TEX261: variants seen among roughly 807,000 people sequenced by gnomAD.
TEX261 encodes protein TEX261.
TEX261 carries 13 observed loss-of-function variants against 25.1 expected under a neutral mutation model. The observed-to-expected ratio is 0.52, with a 90% CI of 0.34 to 0.82. The LOEUF (loss-of-function observed/expected upper bound fraction) is 0.82. TEX261 is among the 40% of genes least tolerant of loss of function. The pLI is 0.02. For synonymous variants in TEX261, 92 were observed against 97.8 expected (o/e 0.94, Z 0.35); for missense variants, 206 against 243.2 (o/e 0.85, Z 1.02).
intron 3 of TEX261, among the ~76,000 whole-genome samples, chr2:70,990,870 A>G (rs560220518): frequency 6.6e-6 from 1 of 152,334 alleles, no homozygotes; most frequent in South Asian, 2.1e-4. Context: ...CCTGGTCTCC[A>G]TGGAAGGGCT....
rs1322423247 is a variant in TEX261, at chr2:70,987,306, C to T, written c.*1294G>A. The T allele has an allele frequency of 6.6e-6, 1 of 152,230 alleles. No individual in the cohort carries two copies. Among genetic ancestry groups the T allele is most frequent in the Non-Finnish European group, 1.5e-5 (1 of 68,046 alleles). The allele number at this position is 152,230 out of a possible 1,614,324, so 9.4% of individuals were successfully genotyped here. On this transcript the variant is annotated 3_prime_UTR_variant, in exon 6 of 6. Coordinates refer to ENST00000272438, the MANE Select transcript of TEX261 (RefSeq NM_144582.3). The stretch of plus-strand genomic sequence containing the variant: ...TGGTATTCTTAAGAGAAGGTAAATG[C>T]TAAAGCCAAGGAAATGAAGGGCTAT...
chr2:70,988,352 A>G lies in TEX261; in HGVS notation c.*248T>C, dbSNP rs782682415. 11 of 489,482 alleles carry G rather than the reference A, an allele frequency of 2.2e-5. No homozygotes were observed. Among genetic ancestry groups the G allele is most frequent in the Non-Finnish European group, 4.1e-5 (11 of 267,540 alleles). 30.3% of individuals were successfully genotyped at this position (489,482 alleles called of 1,614,324 possible). Reference sequence around the variant, plus strand: ...GGAAGGGACAGGGGAGGACTGAGGGACCTCGGCCTCCTGGCTAAGCAGGCT... The same window carrying G: ...GGAAGGGACAGGGGAGGACTGAGGGGCCTCGGCCTCCTGGCTAAGCAGGCT... On this transcript the variant is annotated 3_prime_UTR_variant, in exon 6 of 6. Transcript: ENST00000272438.
chr2:70,994,860 C>A lies in TEX261; in HGVS notation c.-103G>T. Reference sequence around the variant, plus strand: ...GCCGCCGCCGCCGCCGCGTCCCCGCCCCGCGGACGACAGGACGACGGTGCG... The same window carrying A: ...GCCGCCGCCGCCGCCGCGTCCCCGCACCGCGGACGACAGGACGACGGTGCG... On this transcript the variant is annotated 5_prime_UTR_variant, in exon 1 of 6. Coordinates refer to ENST00000272438, the MANE Select transcript of TEX261 (RefSeq NM_144582.3). The A allele has an allele frequency of 8.2e-7, 1 of 1,216,990 alleles. No homozygotes were observed. Among genetic ancestry groups the A allele is most frequent in the Non-Finnish European group, 1.0e-6 (1 of 973,282 alleles). 75.4% of individuals were successfully genotyped at this position (1,216,990 alleles called of 1,614,324 possible).
chr2:70,988,445 C>A lies in TEX261; in HGVS notation c.*155G>T. ...AGCATCAGATCTGAGCCAAGCTGAG[C>A]CCCCCAAGGAGGGTGGGGATGGGGC... On this transcript the variant is annotated 3_prime_UTR_variant, in exon 6 of 6. Transcript: ENST00000272438. 1.6e-6 allele frequency: 1 copy of A among 623,102 alleles called. No homozygotes were observed. The highest frequency in any genetic ancestry group is 2.8e-5 in the Admixed American group (1 of 35,436). The allele number at this position is 623,102 out of a possible 1,614,324, so 38.6% of individuals were successfully genotyped here.
At position 70,992,993 on chromosome 2, in the gene TEX261, G is replaced by A. The variant is rs149126375; in HGVS notation, c.150+703C>T. ...TACTGTGCCAACACCCACAAGCTGGGCCTCTGGACCAGAGCTGAGGGCTAT... is the reference window on the plus strand; with the variant it reads ...TACTGTGCCAACACCCACAAGCTGGACCTCTGGACCAGAGCTGAGGGCTAT... On this transcript the variant is annotated intron_variant, in intron 2 of 5. Transcript: ENST00000272438. Among the ~76,000 whole-genome samples the A allele has an allele frequency of 6.1e-3, 930 of 152,332 alleles. 8 individuals are homozygous for A. The highest frequency in any genetic ancestry group is 0.021 in the African/African-American group (876 of 41,570).
intron 5 of TEX261, 39 bp from the exon 6 acceptor site, chr2:70,988,754 G>A (rs782247060): frequency 8.0e-7 from 1 of 1,257,332 alleles, no homozygotes; most frequent in Non-Finnish European, 1.1e-6. Context: ...GAGAGAGAGA[G>A]TGTGTGTGTG....
chr2:70,994,420 G>T (rs138449503), intron 1 of TEX261: 1 of 539,512 alleles, frequency 1.9e-6, no homozygotes, highest in Non-Finnish European at 3.3e-6. Context: ...AGCGGTTAGC[G>T]GTCCGCAGAC....
In TEX261 at chr2:70,988,590, T is replaced by G; in HGVS notation, c.*10A>C. ...CTGATCTTGCCCCCCACATCCTGCC[T>G]GCATGGGGGTCAGTATATCTTCTGA... is the stretch of plus-strand genomic sequence containing the variant. On this transcript the variant is annotated 3_prime_UTR_variant, in exon 6 of 6. Transcript: ENST00000272438. 2.5e-6 allele frequency: 4 copies of G among 1,599,222 alleles called. No individual in the cohort carries two copies. The highest frequency in any genetic ancestry group is 3.4e-6 in the Non-Finnish European group (4 of 1,166,378).
rs1042019930 is a variant in TEX261 at position 70,986,032 on chromosome 2, C to A, written c.*2568G>T. ...CAAAAATTCCAACACAATCCTTGCC[C>A]TCAAGGAGCTTACAGTCTACTGGGG... On this transcript the variant is annotated 3_prime_UTR_variant, in exon 6 of 6. Transcript: ENST00000272438. 1.3e-5 allele frequency: 2 copies of A among 152,356 alleles called. No homozygotes were observed. Among genetic ancestry groups the A allele is most frequent in the Admixed American group, 1.3e-4 (2 of 15,290 alleles). 9.4% of individuals were successfully genotyped at this position (152,356 alleles called of 1,614,324 possible).
Position 70,988,351 on chromosome 2 carries a change from G to A in TEX261, c.*249C>T. On this transcript the variant is annotated 3_prime_UTR_variant, in exon 6 of 6. Coordinates refer to ENST00000272438, the MANE Select transcript of TEX261 (RefSeq NM_144582.3). The stretch of plus-strand genomic sequence containing the variant: ...TGGAAGGGACAGGGGAGGACTGAGG[G>A]ACCTCGGCCTCCTGGCTAAGCAGGC... The A allele has an allele frequency of 2.0e-6, 1 of 488,446 alleles. No individual in the cohort carries two copies. Among genetic ancestry groups the A allele is most frequent in the East Asian group, 3.8e-5 (1 of 26,442 alleles). The allele number at this position is 488,446 out of a possible 1,614,324, so 30.3% of individuals were successfully genotyped here. A position where few individuals can be genotyped will look rare whatever the true frequency, so the allele number is the denominator to read the frequency against.
At chr2:70,994,460 C>T in intron 1 of TEX261, 2 of 585,572 alleles carry the variant, frequency 3.4e-6, no homozygotes, top group Non-Finnish European at 5.8e-6. Flanking sequence ...CACCCTTTCT[C>T]GGGCAGTGCC....
intron 3 of TEX261, 62 bp downstream of exon 3, chr2:70,991,768 C>A: frequency 6.3e-7 from 1 of 1,578,676 alleles, no homozygotes; most frequent in African/African-American, 1.4e-5. Context: ...CCTTTAGTGC[C>A]CAGGATGGAG....
rs782415794 is a variant in TEX261 at position 70,994,796 on chromosome 2, G to C, written c.-39C>G. The C allele has an allele frequency of 6.6e-7, 1 of 1,506,974 alleles. No individual in the cohort carries two copies. The highest frequency in any genetic ancestry group is 8.9e-7 in the Non-Finnish European group (1 of 1,128,476). The allele number at this position is 1,506,974 out of a possible 1,614,324, so 93.4% of individuals were successfully genotyped here. A position where few individuals can be genotyped will look rare whatever the true frequency, so the allele number is the denominator to read the frequency against. On this transcript the variant is annotated 5_prime_UTR_variant, in exon 1 of 6. Transcript: ENST00000272438. ...GCCCGCTCCCCGGCCACCGGGACGG[G>C]CCTGCGCGCTTCGGCTCCGGCGACA...
In TEX261 at chr2:70,993,735, G is replaced by A. The variant is rs1670350651; in HGVS notation, c.111C>T (p.Tyr37=). 1 of 1,613,550 alleles carries A rather than the reference G, an allele frequency of 6.2e-7. No homozygotes were observed. The highest frequency in any genetic ancestry group is 1.7e-5 in the Admixed American group (1 of 60,024). ...TTATGATCCTGCTGGTGGCCACTGTGTATTCTTCTATCAGTTCTGCCAGGT... is the reference window on the plus strand; with the variant it reads ...TTATGATCCTGCTGGTGGCCACTGTATATTCTTCTATCAGTTCTGCCAGGT... The part of the protein sequence containing the change: ...LYYLAELIEE[Y]TVATSRIIKY... Residue 37 remains tyrosine (Y), a synonymous_variant, in exon 2 of 6, where the codon TAC becomes TAT. Coordinates refer to ENST00000272438, the MANE Select transcript of TEX261 (RefSeq NM_144582.3).
intron 5 of TEX261, 67 bp from the exon 6 acceptor site, chr2:70,988,782 G>C: frequency 1.3e-6 from 2 of 1,533,698 alleles, no homozygotes; most frequent in Admixed American, 3.3e-5. Context: ...GCATGTGTGT[G>C]AACACGGCCC....
intron 5 of TEX261, 51 bp downstream of exon 5, chr2:70,988,864 C>T (rs781958724): frequency 1.8e-5 from 29 of 1,595,104 alleles, no homozygotes; most frequent in Non-Finnish European, 2.5e-5. Context: ...CCTGCCAACC[C>T]AGGCCTTGCT....
At chr2:70,991,421 C>A (rs1670296298) in intron 3 of TEX261, among the ~76,000 whole-genome samples, 1 of 152,228 alleles carries the variant, frequency 6.6e-6, no homozygotes, top group Admixed American at 6.5e-5. Flanking sequence ...CCCCATGAGG[C>A]TCCAGTCCTA....
chr2:70,991,247 T>C (rs1553425599), intron 3 of TEX261, among the ~76,000 whole-genome samples: 1 of 152,210 alleles, frequency 6.6e-6, no homozygotes, highest in Non-Finnish European at 1.5e-5. Flanking sequence ...AGAGGGCCAA[T>C]GATTCCCCAG....
intron 4 of TEX261, chr2:70,989,314 C>A (rs879948615): frequency 4.1e-6 from 2 of 485,886 alleles, no homozygotes; most frequent in South Asian, 4.5e-5. Flanking sequence ...CTGACCCACA[C>A]CCCCCAAAGA....
Sources: gnomAD v4.1 joint callset for allele counts (sites outside exome capture counted in the v4.1 genomes callset) on GRCh38, gnomAD v4.1.1 for gene constraint, MANE v1.5 for transcripts, NCBI Gene and HGNC (gene_info 2026-07-23, HGNC 2026-07-21) for gene names.